Variants in KLHDC4 observed in about 807,000 individuals in gnomAD.
KLHDC4 encodes the protein kelch domain-containing protein 4.
Under a neutral mutation model 62.4 loss-of-function variants are expected in KLHDC4, and 90 were observed. That is an observed-to-expected ratio of 1.44 (90% CI 1.22 to 1.72). The LOEUF is 1.72. Among genes scored for constraint, KLHDC4 ranks in the 40% most tolerant of loss-of-function variants. The pLI, the probability that KLHDC4 is intolerant of heterozygous loss-of-function variation, is 0.00. For synonymous variants in KLHDC4, 386 were observed against 284.4 expected (o/e 1.36, Z -3.59); for missense variants, 1,025 against 699.7 (o/e 1.47, Z -5.25).
At chr16:87,730,104 C>T (rs146175004) in intron 6 of KLHDC4, among the ~76,000 whole-genome samples, 24 of 152,308 alleles carry the variant, frequency 1.6e-4, no homozygotes, top group African/African-American at 5.5e-4. Flanking sequence ...CAGGCACCTG[C>T]CACCACGCCT....
At chr16:87,705,271 C>T (rs988618641), downstream of KLHDC4, among the ~76,000 whole-genome samples, 1 of 152,252 alleles carries the variant, frequency 6.6e-6, no homozygotes, top group Non-Finnish European at 1.5e-5. Flanking sequence ...CCAAGTAGTT[C>T]GGTAAACTGG....
At chr16:87,723,378 G>C (rs551740154) in intron 7 of KLHDC4, among the ~76,000 whole-genome samples, 1 of 152,262 alleles carries the variant, frequency 6.6e-6, no homozygotes, top group African/African-American at 2.4e-5. Context: ...GCGGGTGCAC[G>C]TGGCTGCAGA....
At chr16:87,701,958 T>A (rs1002494804) in exon 1 of KLHDC4, 2 of 456,140 alleles carry the variant, frequency 4.4e-6, no homozygotes, top group South Asian at 3.1e-5. Flanking sequence ...CTCTGCTCTG[T>A]CCTTCTTGGT....
At chr16:87,735,443 C>T (rs1238602177) in intron 5 of KLHDC4, among the ~76,000 whole-genome samples, 6 of 152,224 alleles carry the variant, frequency 3.9e-5, no homozygotes, top group Admixed American at 3.9e-4. Context: ...GCTGCAGCCC[C>T]ATAGATGGGG....
rs569976070 is a variant in KLHDC4, at chr16:87,711,362, T to G, written c.917A>C (p.Asn306Thr). 1.3e-4 allele frequency: 207 copies of G among 1,613,908 alleles called. 1 individual carries two copies. In the East Asian group the frequency reaches 4.5e-3, roughly 35 times the overall value. The part of the protein sequence containing the change: ...RSGFSVAMAP[N>T]HQTLFFGGVC... The stretch of plus-strand genomic sequence containing the variant: ...ACCCCCGAAGAACAGTGTCTGGTGA[T>G]TCGGGGCCATGGCCACGGAAAAGCC... Residue 306 changes from asparagine to threonine, a missense_variant, in exon 9 of 12, where the codon AAT becomes ACT. Asn to Thr is a moderately conservative substitution (Grantham distance 65). Coordinates refer to ENST00000270583, the MANE Select transcript of KLHDC4 (RefSeq NM_017566.4).
At chr16:87,753,370 T>G (rs1194414071) in intron 4 of KLHDC4, among the ~76,000 whole-genome samples, 1 of 152,146 alleles carries the variant, frequency 6.6e-6, no homozygotes, top group Non-Finnish European at 1.5e-5. Flanking sequence ...ACCACACAGG[T>G]CATTCACTAG....
At chr16:87,701,585 G>A (rs1016025827) in exon 1 of KLHDC4, 7 of 416,350 alleles carry the variant, frequency 1.7e-5, no homozygotes, top group Non-Finnish European at 3.0e-5. Flanking sequence ...GGCCCAGGCC[G>A]CTGGGTTTCT....
intron 11 of KLHDC4, 103 bp downstream of exon 11, chr16:87,708,247 T>C: frequency 1.2e-6 from 1 of 828,582 alleles, no homozygotes; most frequent in Non-Finnish European, 1.9e-6. Flanking sequence ...CCAACGTTTT[T>C]AAAAAATTTA....
intron 5 of KLHDC4, among the ~76,000 whole-genome samples, chr16:87,736,009 T>G (rs1749904656): frequency 4.6e-5 from 7 of 152,242 alleles, no homozygotes; most frequent in Admixed American, 3.9e-4. Context: ...CTTCTCTGAG[T>G]GACTTTACAG....
chr16:87,765,047 C>G (rs1167119615), intron 1 of KLHDC4: 3 of 446,660 alleles, frequency 6.7e-6, no homozygotes, highest in Non-Finnish European at 1.3e-5. Context: ...AATGGGAATA[C>G]CAGTGCTACG....
chr16:87,721,919 T>C (rs892523695), intron 7 of KLHDC4, among the ~76,000 whole-genome samples: 2 of 151,708 alleles, frequency 1.3e-5, no homozygotes, highest in African/African-American at 4.8e-5. Flanking sequence ...AACAGACCAC[T>C]AGGTGATAAA....
At chr16:87,708,166 A>G in intron 11 of KLHDC4, 91 bp from the exon 12 acceptor site, 1 of 623,834 alleles carries the variant, frequency 1.6e-6, no homozygotes, top group South Asian at 1.8e-5. Flanking sequence ...CCGGGTTTTC[A>G]GGGAAGACCT....
At chr16:87,735,195 G>C (rs1371405263) in intron 5 of KLHDC4, among the ~76,000 whole-genome samples, 2 of 151,862 alleles carry the variant, frequency 1.3e-5, no homozygotes, top group Admixed American at 6.6e-5. Context: ...AGCTACTCAG[G>C]AGGCTGAGGC....
chr16:87,708,681 G>GC (rs1169777642), intron 10 of KLHDC4: 1 of 414,416 alleles, frequency 2.4e-6, no homozygotes, highest in East Asian at 3.5e-5. Context: ...CGGCAAACAT[G>GC]CAAAAGCACC....
At chr16:87,737,268 A>G (rs1241138156) in intron 5 of KLHDC4, among the ~76,000 whole-genome samples, 8 of 151,746 alleles carry the variant, frequency 5.3e-5, no homozygotes, top group Non-Finnish European at 4.4e-5. Context: ...AGGCCTCAGC[A>G]CTGAAATAAA....
At chr16:87,759,042 G>A (rs2045459817) in intron 2 of KLHDC4, among the ~76,000 whole-genome samples, 1 of 152,136 alleles carries the variant, frequency 6.6e-6, no homozygotes, top group Non-Finnish European at 1.5e-5. Context: ...AGGCATGGTG[G>A]CGCATGCCTG....
chr16:87,713,763 T>C (rs3794672), intron 8 of KLHDC4, among the ~76,000 whole-genome samples: 11,279 of 152,246 alleles, frequency 0.074, 573 homozygotes, highest in Non-Finnish European at 0.1. Flanking sequence ...CAGAGCCATG[T>C]AAAGGGCTGT....
chr16:87,709,812 T>C (rs1225392063), intron 9 of KLHDC4, 145 bp from the exon 10 acceptor site: 2 of 926,260 alleles, frequency 2.2e-6, no homozygotes, highest in Non-Finnish European at 3.2e-6. Flanking sequence ...CATCCCTGAC[T>C]GCCCTGGGTG....
At chr16:87,749,862 AC>A (rs1216147248) in intron 4 of KLHDC4, among the ~76,000 whole-genome samples, 1 of 152,168 alleles carries the variant, frequency 6.6e-6, no homozygotes, top group Non-Finnish European at 1.5e-5. Flanking sequence ...ACACACACGA[AC>A]CACCACACCC....
Sources: allele counts gnomAD v4.1 joint callset (sites outside exome capture counted in the v4.1 genomes callset), GRCh38; gene constraint gnomAD v4.1.1; transcripts MANE v1.5; gene names NCBI Gene and HGNC (gene_info 2026-07-23, HGNC 2026-07-21).